Variants in SOX5 observed in about 807,000 individuals in gnomAD.
SOX5 encodes SRY-box transcription factor 5, also known as transcription factor SOX-5.
A neutral mutation model predicts 92.0 loss-of-function variants in SOX5; 9 were observed. That is an observed-to-expected ratio of 0.10 (90% confidence interval 0.06 to 0.17). SOX5 has a LOEUF of 0.17. Ranked by LOEUF, SOX5 falls within the 10% of genes least tolerant of loss-of-function variation. The pLI, the probability that SOX5 is intolerant of heterozygous loss-of-function variation, is 1.00. For synonymous variants in SOX5, 344 were observed against 336.3 expected (o/e 1.02, Z -0.25); for missense variants, 642 against 944.5 (o/e 0.68, Z 4.20).
In SOX5 at chr12:24,095,146, G is replaced by A. The variant is rs796461737; in HGVS notation, c.-2+118197C>T. Among the ~76,000 whole-genome samples the A allele has an allele frequency of 2.4e-3, 362 of 150,244 alleles. 1 individual carries two copies. Among genetic ancestry groups the A allele is most frequent in the South Asian group, 0.015 (69 of 4,638 alleles). On this transcript the variant is annotated intron_variant, in intron 4 of 4. Coordinates refer to the SOX5 transcript ENST00000446891. ...ACACACACAGAGAGAGAGAGAGAGAGAGAGAGAGAGACAGAGACAGAGAGA... is the reference window on the plus strand; with the variant it reads ...ACACACACAGAGAGAGAGAGAGAGAAAGAGAGAGAGACAGAGACAGAGAGA...
At chr12:24,501,499 A>G (rs1597358466) in intron 1 of SOX5, among the ~76,000 whole-genome samples, 1 of 152,192 alleles carries the variant, frequency 6.6e-6, no homozygotes, top group African/African-American at 2.4e-5. Flanking sequence ...TGTTTAAAAA[A>G]AAGTATTCTA....
chr12:24,071,087 A>G (rs562094356), intron 4 of SOX5, among the ~76,000 whole-genome samples: 3 of 152,364 alleles, frequency 2.0e-5, no homozygotes, highest in African/African-American at 7.2e-5. Context: ...CAAGTTTGCC[A>G]GACAAAGGAT....
intron 3 of SOX5, among the ~76,000 whole-genome samples, chr12:23,814,380 C>T (rs2095943188): frequency 6.6e-6 from 1 of 152,160 alleles, no homozygotes; most frequent in Non-Finnish European, 1.5e-5. Flanking sequence ...ATGTCCCATA[C>T]TGAAGGGTTC....
chr12:24,165,737 G>A (rs1953324416), intron 4 of SOX5, among the ~76,000 whole-genome samples: 1 of 152,140 alleles, frequency 6.6e-6, no homozygotes, highest in Admixed American at 6.6e-5. Flanking sequence ...AGAGCCAACG[G>A]TGGGGAAGAG....
At chr12:23,790,452 C>A (rs1206909617) in intron 3 of SOX5, among the ~76,000 whole-genome samples, 1 of 151,664 alleles carries the variant, frequency 6.6e-6, no homozygotes, top group Non-Finnish European at 1.5e-5. Flanking sequence ...ACTCTTAATT[C>A]TGTTATTTCT....
At chr12:24,215,673 G>A (rs952875310) in intron 3 of SOX5, among the ~76,000 whole-genome samples, 1 of 151,984 alleles carries the variant, frequency 6.6e-6, no homozygotes, top group African/African-American at 2.4e-5. Context: ...GATAATACTT[G>A]CCAATTAATC....
At chr12:23,914,704 C>T (rs961480197) in intron 1 of SOX5, among the ~76,000 whole-genome samples, 4 of 152,020 alleles carry the variant, frequency 2.6e-5, no homozygotes, top group Admixed American at 2.0e-4. Flanking sequence ...TTTTTAAATT[C>T]TGTACTAGTA....
intron 4 of SOX5, among the ~76,000 whole-genome samples, chr12:24,092,406 A>G (rs1475822713): frequency 4.6e-5 from 7 of 152,074 alleles, no homozygotes; most frequent in African/African-American, 1.7e-4. Context: ...GAAGCAGAAC[A>G]TTATTCTTCT....
intron 4 of SOX5, among the ~76,000 whole-genome samples, chr12:24,081,709 G>T (rs1256057238): frequency 6.6e-6 from 1 of 151,940 alleles, no homozygotes; most frequent in Non-Finnish European, 1.5e-5. Flanking sequence ...TTACTAAATG[G>T]AGGAGAATAG....
chr12:24,131,693 T>C (rs1484448992), intron 4 of SOX5, among the ~76,000 whole-genome samples: 1 of 152,198 alleles, frequency 6.6e-6, no homozygotes, highest in Non-Finnish European at 1.5e-5. Flanking sequence ...TGCTGTTATT[T>C]ATACTTTAGG....
At chr12:24,509,366 C>T (rs1218316835) in intron 1 of SOX5, among the ~76,000 whole-genome samples, 3 of 151,848 alleles carry the variant, frequency 2.0e-5, no homozygotes, top group Admixed American at 6.6e-5. Context: ...ACCTTTTTTT[C>T]CTCCATAGTA....
intron 4 of SOX5, among the ~76,000 whole-genome samples, chr12:24,034,439 C>T (rs958302255): frequency 9.9e-5 from 15 of 151,094 alleles, no homozygotes; most frequent in African/African-American, 3.6e-4. Flanking sequence ...GTTCCGACTG[C>T]CGTGCAGCTT....
chr12:24,197,106 A>T (rs558747923), intron 4 of SOX5, among the ~76,000 whole-genome samples: 29 of 152,036 alleles, frequency 1.9e-4, no homozygotes, highest in African/African-American at 6.8e-4. Flanking sequence ...CTATCCTCAT[A>T]ACTAACTGTT....
intron 4 of SOX5, among the ~76,000 whole-genome samples, chr12:24,165,733 A>G (rs1261023866): frequency 6.6e-6 from 1 of 152,128 alleles, no homozygotes; most frequent in Non-Finnish European, 1.5e-5. Context: ...TGGCAGAGCC[A>G]ACGGTGGGGA....
chr12:24,327,385 C>CTTTTTTTTTTTTT (rs71063311), intron 2 of SOX5, among the ~76,000 whole-genome samples: 2 of 56,690 alleles, frequency 3.5e-5, no homozygotes, highest in East Asian at 6.7e-4. Flanking sequence ...GCAATGGAGA[C>CTTTTTTTTTTTTT]TTTTTTTTTT....
At chr12:23,818,933 A>AC (rs1180512477) in intron 3 of SOX5, among the ~76,000 whole-genome samples, 4 of 152,106 alleles carry the variant, frequency 2.6e-5, no homozygotes, top group South Asian at 2.1e-4. Context: ...GGGCTATGAG[A>AC]CCCCCCTGTG....
chr12:23,742,719 C>CA (rs2093842508), intron 4 of SOX5, among the ~76,000 whole-genome samples: 1 of 152,150 alleles, frequency 6.6e-6, no homozygotes, highest in African/African-American at 2.4e-5. Flanking sequence ...AGGCTGGGTG[C>CA]AGGGGCTCAT....
At chr12:23,540,681 A>G (rs1365595439) in intron 13 of SOX5, among the ~76,000 whole-genome samples, 1 of 152,192 alleles carries the variant, frequency 6.6e-6, no homozygotes, top group African/African-American at 2.4e-5. Flanking sequence ...GCCAAGCAGT[A>G]AAAGGTGATT....
intron 9 of SOX5, among the ~76,000 whole-genome samples, chr12:23,591,100 T>C (rs769732716): frequency 3.3e-5 from 5 of 152,014 alleles, no homozygotes; most frequent in Non-Finnish European, 7.4e-5. Context: ...ATGTGCTCAA[T>C]TCTAAAAAAA....
Sources: allele counts gnomAD v4.1 joint callset (sites outside exome capture counted in the v4.1 genomes callset), GRCh38; gene constraint gnomAD v4.1.1; transcripts MANE v1.5; gene names NCBI Gene and HGNC (gene_info 2026-07-23, HGNC 2026-07-21).